CNGB3: variants seen among roughly 807,000 people sequenced by gnomAD.
CNGB3 encodes cyclic nucleotide-gated channel beta-3.
A neutral mutation model predicts 92.8 loss-of-function variants in CNGB3; 86 were observed. The observed-to-expected ratio is 0.93, with a 90% confidence interval of 0.78 to 1.11. The LOEUF (loss-of-function observed/expected upper bound fraction) is 1.11, where lower values mean the gene tolerates loss of function less well. Among genes scored for constraint, CNGB3 ranks in the 50% least tolerant of loss-of-function variants. The probability of loss-of-function intolerance (pLI) is 0.00; values close to 1 mark genes in which losing one functional copy is unlikely to be tolerated. For synonymous variants in CNGB3, 333 were observed against 332.7 expected, an observed-to-expected ratio of 1.00 and a Z score of -0.01; for missense variants, 1,026 against 956.8, an observed-to-expected ratio of 1.07 and a Z score of -0.95.
intron 3 of CNGB3, among the ~76,000 whole-genome samples, chr8:86,694,134 C>G (rs1480448354): frequency 7.3e-6 from 1 of 137,576 alleles, no homozygotes; most frequent in African/African-American, 2.7e-5. Flanking sequence ...GGCTGACCCC[C>G]CCACCTCCCT....
intron 3 of CNGB3, among the ~76,000 whole-genome samples, chr8:86,704,780 T>C (rs139457328): frequency 1.3e-5 from 2 of 152,360 alleles, no homozygotes; most frequent in Admixed American, 6.5e-5. Flanking sequence ...TTGAATTCTT[T>C]AGGCTCTCTT....
At position 86,660,499 on chromosome 8, in the gene CNGB3, G is replaced by C. The variant is rs368801149; in HGVS notation, c.852+6426C>G. The C allele has an allele frequency of 1.5e-5, 8 of 529,316 alleles. No homozygotes were observed. The African/African-American group carries it at 1.5e-4, about 10-fold the overall frequency. The allele number at this position is 529,316 out of a possible 1,614,324, so 32.8% of individuals were successfully genotyped here. A position where few individuals can be genotyped will look rare whatever the true frequency, so the allele number is the denominator to read the frequency against. On this transcript the variant is annotated intron_variant, in intron 6 of 17. Transcript: ENST00000320005. ...ATGAAAGGGAAAGGAAGCATGGCCA[G>C]GTGGCAGCATGTCCAGAGGGACGAT...
intron 14 of CNGB3, among the ~76,000 whole-genome samples, chr8:86,607,939 GC>G (rs1368654768): frequency 6.6e-6 from 1 of 152,082 alleles, no homozygotes; most frequent in Non-Finnish European, 1.5e-5. Context: ...TCAAGTAACA[GC>G]CTTTCTTCTC....
In CNGB3 at chr8:86,575,559, C is replaced by G; in HGVS notation, c.*245G>C. 2 of 428,466 alleles carry G rather than the reference C, an allele frequency of 4.7e-6. No homozygotes were observed. The highest frequency in any genetic ancestry group is 8.2e-6 in the Non-Finnish European group (2 of 242,508). 26.5% of individuals were successfully genotyped at this position (428,466 alleles called of 1,614,324 possible). A position where few individuals can be genotyped will look rare whatever the true frequency, so the allele number is the denominator to read the frequency against. ...AAAGGAAAAGGAAACTTACTACATA[C>G]AATTAGAAGATATAGCAATTGCATA... On this transcript the variant is annotated 3_prime_UTR_variant, in exon 18 of 18. Transcript: ENST00000320005.
At chr8:86,711,243 T>G (rs1824743856) in intron 3 of CNGB3, among the ~76,000 whole-genome samples, 1 of 152,096 alleles carries the variant, frequency 6.6e-6, no homozygotes, top group South Asian at 2.1e-4. Flanking sequence ...TGTTATCAGA[T>G]TAACTCTGTT....
intron 3 of CNGB3, among the ~76,000 whole-genome samples, chr8:86,691,969 AT>A (rs1824327716): frequency 6.6e-6 from 1 of 152,106 alleles, no homozygotes; most frequent in African/African-American, 2.4e-5. Flanking sequence ...GTTCATCTTG[AT>A]TTCATTGTTG....
Position 86,633,062 on chromosome 8 carries a change from T to C in CNGB3, c.1179-169A>G, listed in dbSNP as rs138855915. 2.2e-3 allele frequency among the ~76,000 whole-genome samples: 336 copies of C among 152,320 alleles called. 8 individuals carry two copies. The highest frequency in any genetic ancestry group is 0.019 in the Admixed American group (297 of 15,298). On this transcript the variant is annotated intron_variant, in intron 10 of 17. Transcript: ENST00000320005. ...ATGTGTGCTAATGTAAACTTCTTAA[T>C]AAATGCTGTGAAATGATGAAACAAG...
chr8:86,743,010 C>G (rs1825368652), intron 1 of CNGB3, among the ~76,000 whole-genome samples: 1 of 152,086 alleles, frequency 6.6e-6, no homozygotes, highest in South Asian at 2.1e-4. Context: ...CACTGGATGC[C>G]AGTAACATCC....
chr8:86,662,575 G>T (rs1475351640), intron 6 of CNGB3, among the ~76,000 whole-genome samples: 1 of 152,216 alleles, frequency 6.6e-6, no homozygotes, highest in East Asian at 1.9e-4. Context: ...TATGAGGTGG[G>T]TACTGCGATA....
intron 11 of CNGB3, 102 bp downstream of exon 11, chr8:86,632,650 A>C: frequency 8.1e-7 from 1 of 1,232,490 alleles, no homozygotes; most frequent in East Asian, 2.4e-5. Context: ...CAAAAAAAGA[A>C]GAACCAGACA....
Position 86,743,541 on chromosome 8 carries a change from T to G in CNGB3, c.87A>C (p.Glu29Asp), listed in dbSNP as rs759755619. The change falls in exon 1 of 18, where the codon GAA becomes GAC. Residue 29 changes from glutamate (E) to aspartate (D), a missense_variant. Coordinates refer to ENST00000320005, the MANE Select transcript of CNGB3 (RefSeq NM_019098.5). The stretch of plus-strand genomic sequence containing the variant: ...GAGACTGATTACTTGGGTGAGAGCC[T>G]TCTTCATTCCGACGAGAACTTTGTT... ...ENEQSSRRNE[E>D]GSHPSNQSQQ... 1.9e-6 allele frequency: 3 copies of G among 1,614,026 alleles called. No homozygotes were observed. In the South Asian group the frequency reaches 3.3e-5, roughly 18 times the overall value.
intron 3 of CNGB3, among the ~76,000 whole-genome samples, chr8:86,701,747 A>G (rs2957792): frequency 0.2 from 31,015 of 152,148 alleles, 3,362 homozygotes; most frequent in Middle Eastern, 0.36. Flanking sequence ...AAATAATTCA[A>G]TAGATAACTA....
intron 15 of CNGB3, chr8:86,594,655 C>A: frequency 5.2e-6 from 1 of 191,950 alleles, no homozygotes; most frequent in Non-Finnish European, 1.1e-5. Context: ...GGGATGTCTG[C>A]AGGCCCAGCC....
chr8:86,647,822 A>G lies in CNGB3; in HGVS notation c.969T>C (p.Phe323=), dbSNP rs1182890045. ...CYLFFGFNPM[F]RANRMLKYTS... is the part of the protein sequence containing the mutation. ...TTACCTTTAACATCCTATTTGCTCTAAACATTGGATTAAACCCAAAGAAGA... is the reference window on the plus strand; with the variant it reads ...TTACCTTTAACATCCTATTTGCTCTGAACATTGGATTAAACCCAAAGAAGA... The change falls in exon 8 of 18, where the codon TTT becomes TTC. Residue 323 remains phenylalanine, a synonymous_variant. Transcript: ENST00000320005. The G allele has an allele frequency of 6.4e-7, 1 of 1,568,114 alleles. No homozygotes were observed.
At chr8:86,595,645 G>A (rs1428249637) in intron 15 of CNGB3, among the ~76,000 whole-genome samples, 1 of 151,882 alleles carries the variant, frequency 6.6e-6, no homozygotes, top group Non-Finnish European at 1.5e-5. Flanking sequence ...TCTTATCTCT[G>A]CTCATACTTT....
At chr8:86,607,074 A>C (rs1257232966) in intron 14 of CNGB3, among the ~76,000 whole-genome samples, 1 of 152,226 alleles carries the variant, frequency 6.6e-6, no homozygotes, top group East Asian at 1.9e-4. Context: ...GATTTTTCAA[A>C]GGCAGTTATT....
chr8:86,674,809 G>A (rs566294603), intron 3 of CNGB3, among the ~76,000 whole-genome samples: 3 of 152,260 alleles, frequency 2.0e-5, no homozygotes, highest in Admixed American at 1.3e-4. Flanking sequence ...CTGGAGTGCA[G>A]TGGTACAATC....
chr8:86,646,858 C>G (rs1430989948), intron 8 of CNGB3, among the ~76,000 whole-genome samples: 1 of 151,044 alleles, frequency 6.6e-6, no homozygotes, highest in Non-Finnish European at 1.5e-5. Context: ...GTATTTATGT[C>G]TTATAACCAT....
chr8:86,644,633 T>C lies in CNGB3; in HGVS notation c.1044A>G (p.Ala348=), dbSNP rs199760664. ...GAGTTATACTTTACCTGTAGATATA[T>C]GCTTTGTCCATTATAGACTCTAGGT... ...NHHLESIMDK[A]YIYRVIRTTG... is the part of the protein sequence containing the mutation. The change falls in exon 9 of 18, where the codon GCA becomes GCG. Residue 348 remains alanine (A), a synonymous_variant. Transcript: ENST00000320005. 2.5e-6 allele frequency: 4 copies of C among 1,601,198 alleles called. No homozygotes were observed. Among genetic ancestry groups the C allele is most frequent in the Middle Eastern group, 1.7e-4 (1 of 5,986 alleles).
Sources: allele counts gnomAD v4.1 joint callset (sites outside exome capture counted in the v4.1 genomes callset), GRCh38; gene constraint gnomAD v4.1.1; transcripts MANE v1.5; gene names NCBI Gene and HGNC (gene_info 2026-07-23, HGNC 2026-07-21).